SYN3: variants seen among roughly 807,000 people sequenced by gnomAD.
The protein encoded by SYN3 is synapsin-3.
SYN3 carries 35 observed loss-of-function variants against 65.8 expected under a neutral mutation model. The ratio of observed to expected loss-of-function variants is 0.53; its 90% CI spans 0.41 to 0.70. The LOEUF is 0.70. SYN3 is among the 30% of genes least tolerant of loss of function. SYN3 has a pLI of 0.00. For synonymous variants in SYN3, 270 were observed against 292.9 expected (o/e 0.92, Z 0.80); for missense variants, 680 against 749.0 (o/e 0.91, Z 1.08).
intron 3 of SYN3, among the ~76,000 whole-genome samples, chr22:32,965,621 T>C (rs1437502868): frequency 6.6e-6 from 1 of 151,890 alleles, no homozygotes; most frequent in African/African-American, 2.4e-5. Context: ...AGATAGATAA[T>C]ATGATTAATT....
At chr22:32,864,092 A>G (rs1190138268) in intron 6 of SYN3, among the ~76,000 whole-genome samples, 1 of 152,206 alleles carries the variant, frequency 6.6e-6, no homozygotes, top group Non-Finnish European at 1.5e-5. Context: ...TGTCTAGCCC[A>G]GAAGCCTGAG....
At chr22:32,526,422 A>G (rs130454) in intron 12 of SYN3, among the ~76,000 whole-genome samples, 95,835 of 151,982 alleles carry the variant, frequency 0.63, 30,650 homozygotes, top group East Asian at 0.82. Flanking sequence ...TTTTTTTCAC[A>G]AAGTAATGAA....
intron 6 of SYN3, among the ~76,000 whole-genome samples, chr22:32,627,137 G>A (rs1186442473): frequency 6.6e-6 from 1 of 151,132 alleles, no homozygotes; most frequent in Non-Finnish European, 1.5e-5. Context: ...TGTGTAAGTG[G>A]GGGGTGGCAG....
At chr22:32,736,061 T>C (rs187978961) in intron 6 of SYN3, among the ~76,000 whole-genome samples, 1 of 152,348 alleles carries the variant, frequency 6.6e-6, no homozygotes, top group East Asian at 1.9e-4. Flanking sequence ...CCTCTCATTT[T>C]ATTGTGTTTT....
At chr22:33,002,008 T>C (rs2053073557) in intron 2 of SYN3, among the ~76,000 whole-genome samples, 1 of 152,132 alleles carries the variant, frequency 6.6e-6, no homozygotes, top group Admixed American at 6.6e-5. Context: ...GAGAGAAAAC[T>C]TCAAGGGCCA....
intron 6 of SYN3, among the ~76,000 whole-genome samples, chr22:32,765,981 C>T (rs886090293): frequency 6.6e-6 from 1 of 152,136 alleles, no homozygotes; most frequent in African/African-American, 2.4e-5. Context: ...CTTCCTCTTC[C>T]AGCTCTTTGT....
intron 6 of SYN3, among the ~76,000 whole-genome samples, chr22:32,626,763 C>A (rs986440016): frequency 6.6e-6 from 1 of 152,128 alleles, no homozygotes; most frequent in Non-Finnish European, 1.5e-5. Context: ...CTGGGTGCCC[C>A]GAGTGTGGAG....
chr22:32,654,518 T>G (rs1315335760), intron 6 of SYN3, among the ~76,000 whole-genome samples: 1 of 152,176 alleles, frequency 6.6e-6, no homozygotes, highest in Non-Finnish European at 1.5e-5. Flanking sequence ...ACGGGACAGC[T>G]TGTCCCCTGC....
chr22:32,653,215 C>T lies in SYN3; in HGVS notation c.712-56479G>A, dbSNP rs962347777. Among the ~76,000 whole-genome samples the T allele has an allele frequency of 3.3e-5, 5 of 151,832 alleles. No homozygotes were observed. In the East Asian group the frequency reaches 9.7e-4, roughly 29 times the overall value. ...ATCATCAGTTATCAAATTGCTTTCC[C>T]ATCACTGTTTTTCCCAAACTGGACA... is the stretch of plus-strand genomic sequence containing the variant. On this transcript the variant is annotated intron_variant, in intron 6 of 13. Coordinates refer to ENST00000358763, the MANE Select transcript of SYN3 (RefSeq NM_003490.4).
chr22:32,631,065 G>A (rs1391782953), intron 6 of SYN3, among the ~76,000 whole-genome samples: 1 of 142,090 alleles, frequency 7.0e-6, no homozygotes, highest in Non-Finnish European at 1.5e-5. Flanking sequence ...AGGCCGAGGC[G>A]GGCGGATCAC....
At chr22:32,518,850 C>T (rs1429691829) in intron 12 of SYN3, among the ~76,000 whole-genome samples, 2 of 152,264 alleles carry the variant, frequency 1.3e-5, no homozygotes, top group African/African-American at 4.8e-5. Context: ...AACCTTAACC[C>T]TAACCCTCAA....
intron 6 of SYN3, among the ~76,000 whole-genome samples, chr22:32,844,568 A>T (rs2048007884): frequency 6.6e-6 from 1 of 152,214 alleles, no homozygotes; most frequent in Admixed American, 6.5e-5. Context: ...GGCGCATGAT[A>T]TATTCAAGAG....
intron 6 of SYN3, among the ~76,000 whole-genome samples, chr22:32,777,135 G>A (rs533786878): frequency 7.8e-4 from 119 of 152,234 alleles, no homozygotes; most frequent in Non-Finnish European, 1.6e-3. Context: ...AATTTCTTTA[G>A]CTGTAATGAC....
chr22:32,757,871 A>C (rs1419521834), intron 6 of SYN3, among the ~76,000 whole-genome samples: 1 of 152,184 alleles, frequency 6.6e-6, no homozygotes, highest in African/African-American at 2.4e-5. Context: ...CTCCACCAGG[A>C]AAAAAACCAC....
At position 32,509,762 on chromosome 22, in the gene SYN3, G is replaced by T. The variant is rs1476233126; in HGVS notation, c.*3930C>A. On this transcript the variant is annotated 3_prime_UTR_variant, in exon 14 of 14. Transcript: ENST00000358763. The stretch of plus-strand genomic sequence containing the variant: ...TTTTTATATTTTTAGTAGAGATGGG[G>T]TTTCACCGTGTTAGCCAGGATGGTC... 2.0e-5 allele frequency among the ~76,000 whole-genome samples: 3 copies of T among 152,036 alleles called. No homozygotes were observed. Among genetic ancestry groups the T allele is most frequent in the Non-Finnish European group, 2.9e-5 (2 of 68,036 alleles).
intron 7 of SYN3, among the ~76,000 whole-genome samples, chr22:32,543,272 A>G (rs1006364817): frequency 1.4e-4 from 21 of 152,292 alleles, no homozygotes; most frequent in African/African-American, 5.1e-4. Context: ...GTCACTTAAC[A>G]GATAAGGAAA....
At chr22:32,962,915 A>G (rs916124599) in intron 3 of SYN3, among the ~76,000 whole-genome samples, 1 of 151,134 alleles carries the variant, frequency 6.6e-6, no homozygotes, top group Non-Finnish European at 1.5e-5. Context: ...ATATTTATCT[A>G]TCAATATAGA....
chr22:32,896,957 G>A (rs2049609184), intron 4 of SYN3, among the ~76,000 whole-genome samples: 1 of 152,158 alleles, frequency 6.6e-6, no homozygotes, highest in Non-Finnish European at 1.5e-5. Flanking sequence ...GGTAACCTAT[G>A]CCCCTGTCCC....
chr22:33,025,433 C>CAAAA (rs33919912), intron 1 of SYN3, among the ~76,000 whole-genome samples: 11 of 78,696 alleles, frequency 1.4e-4, no homozygotes, highest in East Asian at 4.3e-4. Context: ...GACTCCGTCT[C>CAAAA]AAAAAAAAAA....
Sources: gnomAD v4.1 joint callset for allele counts (sites outside exome capture counted in the v4.1 genomes callset) on GRCh38, gnomAD v4.1.1 for gene constraint, MANE v1.5 for transcripts, NCBI Gene and HGNC (gene_info 2026-07-23, HGNC 2026-07-21) for gene names.